REDIC1: variants seen among roughly 807,000 people sequenced by gnomAD.
REDIC1 encodes regulator of DNA class I crossover intermediates 1, also known as HEI10 Interacting Protein 1.
chr12:39,658,236 A>G, the REDIC1 span, among the ~76,000 whole-genome samples: 1 of 152,034 alleles, frequency 6.6e-6, no homozygotes, highest in Non-Finnish European at 1.5e-5. Flanking sequence ...GCCTCCCACC[A>G]CGCCTGGCTA....
the REDIC1 span, among the ~76,000 whole-genome samples, chr12:39,705,283 C>G: frequency 1.3e-5 from 2 of 151,950 alleles, no homozygotes; most frequent in African/African-American, 4.8e-5. Flanking sequence ...AAAACCTGAA[C>G]AGTCCAATAA....
the REDIC1 span, among the ~76,000 whole-genome samples, chr12:39,832,275 G>C: frequency 6.6e-6 from 1 of 152,052 alleles, no homozygotes; most frequent in African/African-American, 2.4e-5. Context: ...ATTTTGTTTT[G>C]TATTCTGCCC....
At chr12:39,762,685 T>C in the REDIC1 span, among the ~76,000 whole-genome samples, 18 of 151,974 alleles carry the variant, frequency 1.2e-4, no homozygotes, top group Non-Finnish European at 2.5e-4. Context: ...ATTTATTAAA[T>C]GAGGAATATA....
chr12:39,809,781 G>A, the REDIC1 span, among the ~76,000 whole-genome samples: 2 of 152,116 alleles, frequency 1.3e-5, no homozygotes, highest in Non-Finnish European at 2.9e-5. Flanking sequence ...CCTTGCGATA[G>A]TTTGCTGAGA....
chr12:39,726,325 C>G, the REDIC1 span, among the ~76,000 whole-genome samples: 3 of 152,020 alleles, frequency 2.0e-5, no homozygotes, highest in Non-Finnish European at 2.9e-5. Context: ...CCCCCACACC[C>G]CAACAGGCTC....
the REDIC1 span, among the ~76,000 whole-genome samples, chr12:39,652,888 C>A: frequency 3.9e-5 from 6 of 151,950 alleles, no homozygotes; most frequent in South Asian, 1.2e-3. Context: ...CAGTTCTGTT[C>A]TGTTGATTAT....
the REDIC1 span, among the ~76,000 whole-genome samples, chr12:39,631,437 G>A: frequency 6.6e-6 from 1 of 151,978 alleles, no homozygotes; most frequent in Non-Finnish European, 1.5e-5. Context: ...AGGTTTTGAT[G>A]GAGTGCCTAC....
At chr12:39,814,395 A>G in the REDIC1 span, among the ~76,000 whole-genome samples, 3 of 152,190 alleles carry the variant, frequency 2.0e-5, no homozygotes, top group South Asian at 2.1e-4. Context: ...GAAAACATCT[A>G]TTCCTTTAAG....
At chr12:39,866,999 C>A in the REDIC1 span, among the ~76,000 whole-genome samples, 1 of 152,042 alleles carries the variant, frequency 6.6e-6, no homozygotes, top group African/African-American at 2.4e-5. Flanking sequence ...AAATTCAAAC[C>A]AGAACTAGGA....
the REDIC1 span, among the ~76,000 whole-genome samples, chr12:39,703,878 G>C: frequency 2.6e-5 from 4 of 152,302 alleles, no homozygotes; most frequent in Admixed American, 1.3e-4. Context: ...GCCATATGTA[G>C]AAAGCTGAAA....
chr12:39,679,878 A>G, the REDIC1 span, among the ~76,000 whole-genome samples: 1 of 152,152 alleles, frequency 6.6e-6, no homozygotes, highest in Non-Finnish European at 1.5e-5. Flanking sequence ...GCAAACCAAA[A>G]CATAAAGTGG....
chr12:39,760,158 A>C, the REDIC1 span: 1 of 1,612,958 alleles, frequency 6.2e-7, no homozygotes, highest in East Asian at 2.2e-5. Flanking sequence ...AGAGTGATTC[A>C]ATTTCCTCTA....
the REDIC1 span, chr12:39,646,512 C>G: frequency 1.3e-6 from 2 of 1,481,944 alleles, no homozygotes; most frequent in Non-Finnish European, 1.8e-6. Flanking sequence ...TGGTTATTAA[C>G]AACACTTTTA....
chr12:39,728,523 TG>T, the REDIC1 span, among the ~76,000 whole-genome samples: 1 of 152,170 alleles, frequency 6.6e-6, no homozygotes, highest in Non-Finnish European at 1.5e-5. Context: ...ATAAGCTTTT[TG>T]ATGTGCTGCT....
the REDIC1 span, among the ~76,000 whole-genome samples, chr12:39,628,642 T>C: frequency 6.6e-5 from 10 of 152,296 alleles, no homozygotes; most frequent in African/African-American, 2.4e-4. Context: ...ATTTTTTACC[T>C]GACTACCTGT....
chr12:39,871,085 A>G, the REDIC1 span, among the ~76,000 whole-genome samples: 3 of 152,208 alleles, frequency 2.0e-5, no homozygotes, highest in Non-Finnish European at 4.4e-5. Flanking sequence ...TATTTGAAAA[A>G]AATTAGAAAA....
chr12:39,641,054 T>C, the REDIC1 span: 1 of 1,307,092 alleles, frequency 7.7e-7, no homozygotes. Context: ...TTGAAGTGCT[T>C]TTCTACCACT....
At chr12:39,656,509 A>G in the REDIC1 span, among the ~76,000 whole-genome samples, 1 of 152,126 alleles carries the variant, frequency 6.6e-6, no homozygotes, top group African/African-American at 2.4e-5. Context: ...ATAATAAATG[A>G]CTTGTTAATG....
chr12:39,847,710 G>C, the REDIC1 span, among the ~76,000 whole-genome samples: 1 of 151,938 alleles, frequency 6.6e-6, no homozygotes, highest in South Asian at 2.1e-4. Flanking sequence ...CAGAGAGAGA[G>C]AAAGACTTCT....
Sources: allele counts gnomAD v4.1 joint callset (sites outside exome capture counted in the v4.1 genomes callset), GRCh38; gene constraint gnomAD v4.1.1; transcripts MANE v1.5; gene names NCBI Gene and HGNC (gene_info 2026-07-23, HGNC 2026-07-21).